The following NKAIN2 variants were observed in gnomAD, a reference collection of about 807,000 sequenced individuals.
The protein encoded by NKAIN2 is sodium/potassium-transporting ATPase subunit beta-1-interacting protein 2.
In NKAIN2, 14 loss-of-function variants were observed where a neutral mutation model predicts 32.6. The ratio of observed to expected loss-of-function variants is 0.43; its 90% CI spans 0.28 to 0.67. NKAIN2 has a LOEUF of 0.67. NKAIN2 is among the 30% of genes least tolerant of loss of function. NKAIN2 has a pLI of 0.17. For missense variants in NKAIN2, 198 were observed against 258.3 expected (o/e 0.77, Z 1.60); for synonymous variants, 80 against 87.2 (o/e 0.92, Z 0.46).
intron 1 of NKAIN2, among the ~76,000 whole-genome samples, chr6:124,167,483 C>G (rs1323923746): frequency 6.6e-6 from 1 of 152,148 alleles, no homozygotes; most frequent in Non-Finnish European, 1.5e-5. Context: ...ATTTGACTTC[C>G]TCTTTTCCTA....
Position 124,456,313 on chromosome 6 carries a change from T to TA in NKAIN2, c.273+100976dup, listed in dbSNP as rs11334563. 8.2e-4 allele frequency among the ~76,000 whole-genome samples: 120 copies of TA among 145,904 alleles called. 1 individual carries two copies. Among genetic ancestry groups the TA allele is most frequent in the South Asian group, 2.9e-3 (13 of 4,492 alleles). ...ATGATATCATGCCATTATTCCACAATAAAAAAAAAACGACATACCTAACTA... is the reference window on the plus strand; with the variant it reads ...ATGATATCATGCCATTATTCCACAATAAAAAAAAAAACGACATACCTAACTA... On this transcript the variant is annotated intron_variant, in intron 3 of 6. Coordinates refer to ENST00000368417, the MANE Select transcript of NKAIN2 (RefSeq NM_001040214.3).
intron 3 of NKAIN2, among the ~76,000 whole-genome samples, chr6:124,471,289 T>C (rs949443329): frequency 6.6e-6 from 1 of 152,156 alleles, no homozygotes; most frequent in Non-Finnish European, 1.5e-5. Flanking sequence ...AAATACATAA[T>C]AAAAATTTTT....
chr6:124,010,963 C>T (rs1780296300), intron 1 of NKAIN2, among the ~76,000 whole-genome samples: 1 of 152,116 alleles, frequency 6.6e-6, no homozygotes, highest in Non-Finnish European at 1.5e-5. Flanking sequence ...GATTTGGCTA[C>T]TGACAAGTTT....
At chr6:124,369,451 G>A (rs982699638) in intron 3 of NKAIN2, among the ~76,000 whole-genome samples, 5 of 152,060 alleles carry the variant, frequency 3.3e-5, no homozygotes, top group Non-Finnish European at 1.5e-5. Context: ...CCAATCCACA[G>A]CCTGCAAGCT....
chr6:124,616,626 G>A (rs1282061088), intron 3 of NKAIN2, among the ~76,000 whole-genome samples: 3 of 150,586 alleles, frequency 2.0e-5, no homozygotes, highest in Non-Finnish European at 1.5e-5. Context: ...CACCACGCCC[G>A]GCTAATTTTT....
At chr6:124,198,022 G>A (rs1040507309) in intron 1 of NKAIN2, among the ~76,000 whole-genome samples, 30 of 151,928 alleles carry the variant, frequency 2.0e-4, no homozygotes, top group Non-Finnish European at 1.5e-5. Context: ...GAGTGACTCT[G>A]TTCAGAAATT....
intron 3 of NKAIN2, among the ~76,000 whole-genome samples, chr6:124,465,750 C>A (rs779958592): frequency 1.3e-4 from 20 of 152,064 alleles, no homozygotes; most frequent in Non-Finnish European, 2.8e-4. Flanking sequence ...TGCTGTCAAC[C>A]TGTAAACATC....
At position 124,565,648 on chromosome 6, in the gene NKAIN2, A is replaced by G. The variant is rs548309532; in HGVS notation, c.274-92538A>G. Among the ~76,000 whole-genome samples the G allele has an allele frequency of 8.5e-5, 13 of 152,214 alleles. No homozygotes were observed. In the South Asian group the frequency reaches 2.3e-3, roughly 27 times the overall value. On this transcript the variant is annotated intron_variant, in intron 3 of 6. Transcript: ENST00000368417. ...GTTTCATGCCTCTGCACCTTTACAG[A>G]TTTAGGCACTGACCCCGGATGATTT... is the stretch of plus-strand genomic sequence containing the variant.
chr6:124,648,745 A>G (rs1311301042), intron 3 of NKAIN2, among the ~76,000 whole-genome samples: 5 of 152,244 alleles, frequency 3.3e-5, no homozygotes, highest in African/African-American at 9.6e-5. Flanking sequence ...TTACAGTTCT[A>G]TTGGTCAATT....
chr6:124,663,679 A>T (rs567835034), intron 4 of NKAIN2, among the ~76,000 whole-genome samples: 2 of 152,298 alleles, frequency 1.3e-5, no homozygotes, highest in South Asian at 4.1e-4. Flanking sequence ...ATTGTTTGTT[A>T]TGTCTTGGTA....
intron 3 of NKAIN2, among the ~76,000 whole-genome samples, chr6:124,503,432 G>A (rs1178415334): frequency 6.6e-6 from 1 of 152,068 alleles, no homozygotes; most frequent in African/African-American, 2.4e-5. Flanking sequence ...TTGTGCTGAT[G>A]TGAAATATAG....
chr6:124,670,992 T>A (rs1773071474), intron 4 of NKAIN2, among the ~76,000 whole-genome samples: 2 of 152,094 alleles, frequency 1.3e-5, no homozygotes, highest in Admixed American at 6.6e-5. Context: ...GCAGTTGCAC[T>A]TTTAGGTACC....
chr6:124,192,677 T>C (rs139488634), intron 1 of NKAIN2, among the ~76,000 whole-genome samples: 22 of 151,964 alleles, frequency 1.4e-4, no homozygotes, highest in African/African-American at 5.1e-4. Flanking sequence ...TGTTCTGTAA[T>C]GTTCTGAGAG....
At chr6:124,622,201 G>T (rs1015320737) in intron 3 of NKAIN2, among the ~76,000 whole-genome samples, 1 of 152,152 alleles carries the variant, frequency 6.6e-6, no homozygotes, top group Non-Finnish European at 1.5e-5. Flanking sequence ...GCACAGTTCC[G>T]ATCTCTGCCT....
intron 1 of NKAIN2, among the ~76,000 whole-genome samples, chr6:124,276,919 C>T (rs9482526): frequency 6.6e-6 from 1 of 152,050 alleles, no homozygotes; most frequent in Non-Finnish European, 1.5e-5. Context: ...GTGGCAACAT[C>T]CAGCAAAGGG....
intron 3 of NKAIN2, among the ~76,000 whole-genome samples, chr6:124,416,185 G>A (rs2114517720): frequency 6.6e-6 from 1 of 152,212 alleles, no homozygotes; most frequent in South Asian, 2.1e-4. Flanking sequence ...AGAATTGCAT[G>A]GCCAGCATGG....
chr6:123,804,176 G>A lies in NKAIN2; in HGVS notation c.-25G>A, dbSNP rs201563337. 2 of 1,611,612 alleles carry A rather than the reference G, an allele frequency of 1.2e-6. No individual in the cohort carries two copies. The highest frequency in any genetic ancestry group is 4.5e-5 in the East Asian group (2 of 44,830). ...GACGGTGGCCGACGTGGGACAGTCT[G>A]GCTGTGGCAGGGGTCTCGGAAACCA... On this transcript the variant is annotated 5_prime_UTR_variant, in exon 1 of 7. Transcript: ENST00000368417.
chr6:124,732,565 C>G (rs1776735853), intron 4 of NKAIN2, among the ~76,000 whole-genome samples: 1 of 151,964 alleles, frequency 6.6e-6, no homozygotes, highest in Non-Finnish European at 1.5e-5. Context: ...GAGTGAGATT[C>G]AATAATTTAC....
intron 4 of NKAIN2, among the ~76,000 whole-genome samples, chr6:124,690,738 C>T (rs1310755880): frequency 6.6e-6 from 1 of 152,090 alleles, no homozygotes; most frequent in African/African-American, 2.4e-5. Flanking sequence ...TCCCTACTGC[C>T]ACCACTGCTG....
Sources: gnomAD v4.1 joint callset for allele counts (sites outside exome capture counted in the v4.1 genomes callset) on GRCh38, gnomAD v4.1.1 for gene constraint, MANE v1.5 for transcripts, NCBI Gene and HGNC (gene_info 2026-07-23, HGNC 2026-07-21) for gene names.